Variants in PTPRO observed in about 807,000 individuals in gnomAD.
PTPRO encodes the protein protein tyrosine phosphatase receptor type O, also known as receptor-type tyrosine-protein phosphatase O.
A neutral mutation model predicts 145.2 loss-of-function variants in PTPRO; 62 were observed. The observed-to-expected ratio is 0.43, with a 90% CI of 0.35 to 0.53. The LOEUF is 0.53. PTPRO is among the 20% of genes least tolerant of loss of function. PTPRO has a pLI of 0.01. For missense variants in PTPRO, 1,345 were observed against 1,482.7 expected, an observed-to-expected ratio of 0.91 and a Z score of 1.53; for synonymous variants, 565 against 514.7, an observed-to-expected ratio of 1.10 and a Z score of -1.32.
At chr12:15,440,600 C>T (rs976867773) in intron 1 of PTPRO, among the ~76,000 whole-genome samples, 1 of 152,076 alleles carries the variant, frequency 6.6e-6, no homozygotes, top group Non-Finnish European at 1.5e-5. Flanking sequence ...GTGGCTCACA[C>T]CTCTAATCCC....
intron 1 of PTPRO, among the ~76,000 whole-genome samples, chr12:15,448,351 A>AAAAAAAAAAAAAAAAAAAG (rs1259812638): frequency 6.8e-6 from 1 of 147,784 alleles, no homozygotes; most frequent in Non-Finnish European, 1.5e-5. Context: ...AAAAAAAAAA[A>AAAAAAAAAAAAAAAAAAAG]AAAAAAAAAG....
intron 10 of PTPRO, 95 bp downstream of exon 10, chr12:15,520,407 C>T: frequency 1.2e-6 from 1 of 856,110 alleles, no homozygotes; most frequent in Admixed American, 1.8e-5. Context: ...AGTCATTCAC[C>T]CAGCACTGGG....
intron 1 of PTPRO, among the ~76,000 whole-genome samples, chr12:15,372,820 A>G (rs1938569194): frequency 6.6e-6 from 1 of 152,150 alleles, no homozygotes; most frequent in Non-Finnish European, 1.5e-5. Context: ...TTTTTCCCCT[A>G]TAGTAGACTG....
chr12:15,332,273 T>A (rs1394079235), intron 1 of PTPRO, among the ~76,000 whole-genome samples: 1 of 152,206 alleles, frequency 6.6e-6, no homozygotes, highest in Non-Finnish European at 1.5e-5. Context: ...ATCTTTCCTT[T>A]GTTTAAAAAA....
chr12:15,553,144 A>T lies in PTPRO; in HGVS notation c.2558+1473A>T, dbSNP rs115071210. On this transcript the variant is annotated intron_variant, in intron 15 of 26. Coordinates refer to ENST00000281171, the MANE Select transcript of PTPRO (RefSeq NM_030667.3). The stretch of plus-strand genomic sequence containing the variant: ...ACTTCCAACTTGCGTGAATTTGTGT[A>T]GGTCACTGAAACTTCATGCGTTCAT... Among the ~76,000 whole-genome samples the T allele has an allele frequency of 6.9e-3, 1,047 of 152,248 alleles. 17 individuals carry two copies. The highest frequency in any genetic ancestry group is 0.024 in the African/African-American group (1,005 of 41,560).
At chr12:15,585,153 A>G (rs943442039) in intron 23 of PTPRO, among the ~76,000 whole-genome samples, 2 of 152,214 alleles carry the variant, frequency 1.3e-5, no homozygotes, top group African/African-American at 4.8e-5. Context: ...ATACATTTTC[A>G]CTTCAACCGT....
chr12:15,561,125 T>C (rs1943762332), intron 17 of PTPRO, among the ~76,000 whole-genome samples: 1 of 152,088 alleles, frequency 6.6e-6, no homozygotes, highest in Non-Finnish European at 1.5e-5. Flanking sequence ...AGAAAATCAT[T>C]GTCCTTAAAT....
At chr12:15,405,631 A>G (rs1379576329) in intron 1 of PTPRO, among the ~76,000 whole-genome samples, 2 of 152,204 alleles carry the variant, frequency 1.3e-5, no homozygotes, top group Non-Finnish European at 2.9e-5. Context: ...TGCACAAAAA[A>G]TTTTAAGTCA....
At chr12:15,505,669 A>T (rs1028364689) in intron 6 of PTPRO, among the ~76,000 whole-genome samples, 6 of 152,246 alleles carry the variant, frequency 3.9e-5, no homozygotes, top group Non-Finnish European at 7.3e-5. Flanking sequence ...TGGATACCGC[A>T]GACATAAATA....
At chr12:15,587,138 G>A in intron 24 of PTPRO, 87 bp downstream of exon 24, 2 of 1,445,230 alleles carry the variant, frequency 1.4e-6, no homozygotes, top group Non-Finnish European at 9.6e-7. Flanking sequence ...CCCTTATCAG[G>A]TTTAGTTGAA....
chr12:15,340,134 C>T (rs969182561), intron 1 of PTPRO, among the ~76,000 whole-genome samples: 1 of 152,082 alleles, frequency 6.6e-6, no homozygotes, highest in Non-Finnish European at 1.5e-5. Flanking sequence ...ATTATCTCAT[C>T]GAATCCTTAT....
intron 1 of PTPRO, among the ~76,000 whole-genome samples, chr12:15,344,502 C>T (rs1274586986): frequency 2.0e-5 from 3 of 152,100 alleles, no homozygotes; most frequent in African/African-American, 4.8e-5. Context: ...CTAATATTGC[C>T]TCTATTAAAG....
Position 15,496,565 on chromosome 12 carries a change from A to G in PTPRO, c.350-680A>G, listed in dbSNP as rs533336205. 5.3e-5 allele frequency among the ~76,000 whole-genome samples: 8 copies of G among 152,314 alleles called. No homozygotes were observed. The East Asian group carries it at 1.3e-3, about 26-fold the overall frequency. On this transcript the variant is annotated intron_variant, in intron 2 of 26. Transcript: ENST00000281171. ...TGGGAGGGGGAGGAGAGGCAGGCATATATCGATCATGGATTTTAAAAAATG... is the reference window on the plus strand; with the variant it reads ...TGGGAGGGGGAGGAGAGGCAGGCATGTATCGATCATGGATTTTAAAAAATG...
chr12:15,322,611 C>A lies in PTPRO; in HGVS notation c.-116C>A. 1 of 870,490 alleles carries A rather than the reference C, an allele frequency of 1.1e-6. No individual in the cohort carries two copies. The allele number at this position is 870,490 out of a possible 1,614,324, so 53.9% of individuals were successfully genotyped here. On this transcript the variant is annotated 5_prime_UTR_variant, in exon 1 of 27. Transcript: ENST00000281171. This position sits in a 1 kb window ranked among gnomAD's most constrained non-coding sequence, Gnocchi z 6.3. ...GGACTGGAAAGGCAGCATGCGCTCG[C>A]CAGGAGCAACCTCGGCGCCCAGGGT...
chr12:15,550,872 A>G (rs1475502658), intron 14 of PTPRO, among the ~76,000 whole-genome samples: 2 of 152,202 alleles, frequency 1.3e-5, no homozygotes, highest in Non-Finnish European at 2.9e-5. Flanking sequence ...AGTATGAAGA[A>G]GTAGACAATG....
At chr12:15,570,544 C>T (rs1182260502) in intron 19 of PTPRO, among the ~76,000 whole-genome samples, 1 of 152,118 alleles carries the variant, frequency 6.6e-6, no homozygotes, top group Non-Finnish European at 1.5e-5. Flanking sequence ...CCACCTGTGT[C>T]CTGAAAAATT....
intron 9 of PTPRO, among the ~76,000 whole-genome samples, chr12:15,517,851 G>A: frequency 6.6e-6 from 1 of 152,162 alleles, no homozygotes; most frequent in Admixed American, 6.5e-5. Context: ...CCCCCCTCCT[G>A]GCTGCATTCA....
In PTPRO at chr12:15,484,109, T is replaced by C. The variant is rs149173813; in HGVS notation, c.211T>C (p.Phe71Leu). ...TGESKNYFFE[F>L]EEFNSTLPPP... ...TGAATCCAAAAATTATTTCTTCGAA[T>C]TTGAGGAATTCAACAGCACTTTGCC... Residue 71 changes from phenylalanine to leucine, a missense_variant, in exon 2 of 27, where the codon TTT becomes CTT. Physicochemically the swap from Phe to Leu is conservative, Grantham distance 22. Coordinates refer to ENST00000281171, the MANE Select transcript of PTPRO (RefSeq NM_030667.3). 1.2e-6 allele frequency: 2 copies of C among 1,613,878 alleles called. No homozygotes were observed. Among genetic ancestry groups the C allele is most frequent in the African/African-American group, 2.7e-5 (2 of 75,040 alleles).
At position 15,501,914 on chromosome 12, in the gene PTPRO, T is replaced by A. The variant is rs1427765037; in HGVS notation, c.956T>A (p.Met319Lys). ...SEDEFVSVLP[M>K]EYENNSTLSE... ...GATGAATTTGTCAGCGTACTTCCCA[T>A]GGAATACGAAAATAACAGTACACTC... Residue 319 changes from methionine to lysine, a missense_variant, in exon 5 of 27, where the codon ATG (methionine) becomes AAG (lysine). By Grantham distance (95) the Met-to-Lys change is moderately conservative. Around this residue, in one of 3 missense-constraint regions of PTPRO, gnomAD observed 1,130 missense variants for 1,214.7 expected, o/e 0.93. Transcript: ENST00000281171. 2 of 1,613,956 alleles carry A rather than the reference T, an allele frequency of 1.2e-6. No homozygotes were observed. The highest frequency in any genetic ancestry group is 1.7e-6 in the Non-Finnish European group (2 of 1,180,008).
Sources: allele counts gnomAD v4.1 joint callset (sites outside exome capture counted in the v4.1 genomes callset), GRCh38; gene constraint gnomAD v4.1.1; regional missense constraint gnomAD v4.1.1; non-coding constraint Gnocchi (gnomAD v3.1); transcripts MANE v1.5; gene names NCBI Gene and HGNC (gene_info 2026-07-23, HGNC 2026-07-21).